The following ANKRD12 variants were observed in gnomAD, a reference collection of about 807,000 sequenced individuals.
ANKRD12 encodes ankyrin repeat domain 12, also known as ankyrin repeat domain-containing protein 12.
ANKRD12 carries 85 observed loss-of-function variants against 183.4 expected under a neutral mutation model. The observed-to-expected ratio is 0.46, with a 90% CI of 0.39 to 0.56. The LOEUF is 0.56. ANKRD12 is among the 20% of genes least tolerant of loss of function. The probability of loss-of-function intolerance (pLI) is 0.00; values close to 1 mark genes in which losing one functional copy is unlikely to be tolerated. For synonymous variants in ANKRD12, 914 were observed against 800.2 expected, an observed-to-expected ratio of 1.14 and a Z score of -2.40; for missense variants, 2,405 against 2,357.1, an observed-to-expected ratio of 1.02 and a Z score of -0.42.
At chr18:9,221,241 C>T (rs1183098244) in intron 7 of ANKRD12, among the ~76,000 whole-genome samples, 6 of 152,012 alleles carry the variant, frequency 3.9e-5, no homozygotes, top group South Asian at 2.1e-4. Context: ...TTGAAGCTTA[C>T]GTAATTCGTT....
chr18:9,231,309 T>C (rs907766772), intron 8 of ANKRD12, among the ~76,000 whole-genome samples: 13 of 152,188 alleles, frequency 8.5e-5, no homozygotes, highest in Admixed American at 5.9e-4. Context: ...CTTTATTTTC[T>C]ATCTAGATGA....
chr18:9,213,490 T>A (rs2035919862), intron 6 of ANKRD12, among the ~76,000 whole-genome samples: 1 of 151,986 alleles, frequency 6.6e-6, no homozygotes, highest in Non-Finnish European at 1.5e-5. Context: ...ACAATCTGTA[T>A]CCTTAGTAAT....
Position 9,255,387 on chromosome 18 carries a change from A to G in ANKRD12, c.2120A>G (p.Glu707Gly). The change falls in exon 9 of 13, where the codon GAA becomes GGA. Residue 707 changes from glutamate to glycine, a missense_variant. Glu to Gly is a moderately conservative substitution (Grantham distance 98). Coordinates refer to ENST00000262126, the MANE Select transcript of ANKRD12 (RefSeq NM_015208.5). ...KENFFKSDETEDLFLNMEHES... is the reference protein window; with the variant it reads ...KENFFKSDETGDLFLNMEHES... ...AATTTTTTTAAAAGTGATGAAACTG[A>G]AGATCTCTTTTTAAATATGGAACAT... 6.2e-7 allele frequency: 1 copy of G among 1,600,222 alleles called. No homozygotes were observed. The highest frequency in any genetic ancestry group is 1.1e-5 in the South Asian group (1 of 87,546).
At chr18:9,274,512 A>T (rs2039741056) in intron 10 of ANKRD12, among the ~76,000 whole-genome samples, 1 of 152,200 alleles carries the variant, frequency 6.6e-6, no homozygotes, top group Admixed American at 6.5e-5. Context: ...CATAGAGACA[A>T]AAGTTAGATT....
intron 8 of ANKRD12, among the ~76,000 whole-genome samples, chr18:9,234,775 A>G (rs2037249469): frequency 6.6e-6 from 1 of 152,152 alleles, no homozygotes; most frequent in African/African-American, 2.4e-5. Context: ...TGTCTGGTGC[A>G]ATGCTTGTGC....
intron 10 of ANKRD12, among the ~76,000 whole-genome samples, chr18:9,275,093 A>G (rs2039769634): frequency 6.6e-6 from 1 of 152,150 alleles, no homozygotes; most frequent in South Asian, 2.1e-4. Flanking sequence ...CAGAAGGCTG[A>G]GGTGGAAAGA....
At chr18:9,252,756 G>C (rs962447971) in intron 8 of ANKRD12, among the ~76,000 whole-genome samples, 1 of 152,126 alleles carries the variant, frequency 6.6e-6, no homozygotes, top group African/African-American at 2.4e-5. Context: ...CTTGAGCTCA[G>C]GTGTTCAAGA....
chr18:9,208,622 GT>G, intron 4 of ANKRD12, 34 bp from the exon 5 acceptor site: 1 of 1,573,536 alleles, frequency 6.4e-7, no homozygotes. Flanking sequence ...ACTTGGATTT[GT>G]TTCAAATTCT....
At chr18:9,270,757 A>T (rs537031289) in intron 10 of ANKRD12, among the ~76,000 whole-genome samples, 2 of 152,296 alleles carry the variant, frequency 1.3e-5, no homozygotes, top group South Asian at 4.1e-4. Context: ...CCTAAAACTT[A>T]AAAGTATAAT....
chr18:9,217,842 C>G (rs746015312), intron 7 of ANKRD12, among the ~76,000 whole-genome samples: 1 of 152,168 alleles, frequency 6.6e-6, no homozygotes. Context: ...TACTCTGGAA[C>G]TGCTTGTCAC....
chr18:9,280,040 T>A (rs8098363), intron 12 of ANKRD12, among the ~76,000 whole-genome samples: 1,576 of 152,310 alleles, frequency 0.01, 22 homozygotes, highest in African/African-American at 0.036. Flanking sequence ...TTTCTTTTGA[T>A]AATTTGAAAT....
chr18:9,226,455 C>T (rs890854600), intron 8 of ANKRD12, among the ~76,000 whole-genome samples: 1 of 151,956 alleles, frequency 6.6e-6, no homozygotes, highest in Non-Finnish European at 1.5e-5. Context: ...TCCCATCACT[C>T]CTGAAAGTTC....
intron 2 of ANKRD12, among the ~76,000 whole-genome samples, chr18:9,186,196 A>G (rs1264105046): frequency 6.9e-6 from 1 of 143,900 alleles, no homozygotes; most frequent in Non-Finnish European, 1.5e-5. Context: ...GCTGGAGTGC[A>G]GTGGCGCGAA....
chr18:9,169,531 C>T (rs2032463597), intron 1 of ANKRD12, among the ~76,000 whole-genome samples: 1 of 152,120 alleles, frequency 6.6e-6, no homozygotes, highest in Non-Finnish European at 1.5e-5. Flanking sequence ...ACTAGGATTG[C>T]AACCCCTGCC....
intron 7 of ANKRD12, among the ~76,000 whole-genome samples, chr18:9,220,312 GAATA>G (rs1331306870): frequency 4.6e-5 from 7 of 152,168 alleles, no homozygotes; most frequent in African/African-American, 1.7e-4. Context: ...ATACAGAGAT[GAATA>G]GAGACTTGAT....
At chr18:9,266,827 G>C (rs2039316392) in intron 10 of ANKRD12, among the ~76,000 whole-genome samples, 1 of 151,718 alleles carries the variant, frequency 6.6e-6, no homozygotes, top group Non-Finnish European at 1.5e-5. Context: ...CTGGCAAATT[G>C]GATAAAGAGT....
intron 1 of ANKRD12, among the ~76,000 whole-genome samples, chr18:9,171,403 T>C (rs113039629): frequency 0.064 from 9,678 of 152,254 alleles, 337 homozygotes; most frequent in Non-Finnish European, 0.079. Context: ...TGTCTTTTAA[T>C]TGGGGCATTT....
At chr18:9,263,669 T>C (rs1598743814) in intron 9 of ANKRD12, 121 bp from the exon 10 acceptor site, 3 of 583,540 alleles carry the variant, frequency 5.1e-6, no homozygotes, top group Admixed American at 4.1e-5. Flanking sequence ...TGCTGTATTA[T>C]TTAATTCACA....
intron 8 of ANKRD12, among the ~76,000 whole-genome samples, chr18:9,248,239 C>A (rs1465535712): frequency 6.6e-6 from 1 of 152,160 alleles, no homozygotes; most frequent in East Asian, 1.9e-4. Flanking sequence ...TTTAATGGTT[C>A]TGATCAATTT....
Sources: gnomAD v4.1 joint callset for allele counts (sites outside exome capture counted in the v4.1 genomes callset) on GRCh38, gnomAD v4.1.1 for gene constraint, MANE v1.5 for transcripts, NCBI Gene and HGNC (gene_info 2026-07-23, HGNC 2026-07-21) for gene names.